Variants in CBFA2T2 observed in about 807,000 individuals in gnomAD.
The protein encoded by CBFA2T2 is CBFA2/RUNX1 partner transcriptional co-repressor 2, also known as protein CBFA2T2.
A neutral mutation model predicts 62.2 loss-of-function variants in CBFA2T2; 11 were observed. The ratio of observed to expected loss-of-function variants is 0.18; its 90% confidence interval spans 0.11 to 0.29. The LOEUF (loss-of-function observed/expected upper bound fraction) is 0.29. Ranked by LOEUF, CBFA2T2 falls within the 10% of genes least tolerant of loss-of-function variation. CBFA2T2 has a pLI of 1.00. For missense variants in CBFA2T2, 592 were observed against 774.1 expected (o/e 0.76, Z 2.79); for synonymous variants, 295 against 287.5 (o/e 1.03, Z -0.27).
intron 1 of CBFA2T2, among the ~76,000 whole-genome samples, chr20:33,561,930 A>G (rs1417276568): frequency 6.6e-6 from 1 of 152,174 alleles, no homozygotes; most frequent in African/African-American, 2.4e-5. Flanking sequence ...ATATTCCCCA[A>G]ATTAATTTGC....
In CBFA2T2 at chr20:33,611,133, G is replaced by T; in HGVS notation, c.218G>T (p.Gly73Val). 1 of 1,614,016 alleles carries T rather than the reference G, an allele frequency of 6.2e-7. No homozygotes were observed. The highest frequency in any genetic ancestry group is 2.2e-5 in the East Asian group (1 of 44,872). ...GINHSPPTLN[G>V]APSPPQRFSN... is the part of the protein sequence containing the mutation. ...AACCATTCTCCTCCTACCCTGAATG[G>T]TGCCCCATCACCGCCACAGAGATTC... Residue 73 changes from glycine (G) to valine (V), a missense_variant, in exon 3 of 11, where the codon GGT becomes GTT. Around this residue, in one of 3 missense-constraint regions of CBFA2T2, gnomAD observed 449 missense variants for 551.2 expected, o/e 0.81. Coordinates refer to ENST00000342704, the MANE Select transcript of CBFA2T2 (RefSeq NM_001032999.3).
intron 5 of CBFA2T2, among the ~76,000 whole-genome samples, chr20:33,624,236 TAA>T (rs373462820): frequency 3.6e-4 from 25 of 70,008 alleles, no homozygotes; most frequent in African/African-American, 6.5e-4. Flanking sequence ...TTTTTAAAAG[TAA>T]AAAAAAAAAA....
intron 1 of CBFA2T2, among the ~76,000 whole-genome samples, chr20:33,544,135 C>G (rs964966694): frequency 1.3e-5 from 2 of 152,152 alleles, no homozygotes; most frequent in Non-Finnish European, 2.9e-5. Flanking sequence ...CTGTTAATGA[C>G]TCCCATTTTA....
In CBFA2T2 at chr20:33,534,751, C is replaced by CTTTTTTTTTTT. The variant is rs11167206; in HGVS notation, c.34+44461_34+44471dup. Among the ~76,000 whole-genome samples, 11 of 92,954 alleles carry CTTTTTTTTTTT rather than the reference C, an allele frequency of 1.2e-4. 1 individual carries two copies. The highest frequency in any genetic ancestry group is 3.8e-4 in the East Asian group (1 of 2,648). The allele number at this position is 92,954 out of a possible 152,430, so 61.0% of individuals were successfully genotyped here. On this transcript the variant is annotated intron_variant, in intron 1 of 10. Transcript: ENST00000342704. ...AAAAAGATTTTTTGTATCTTTTTAG[C>CTTTTTTTTTTT]TTTTTTTTTTTTTTTTTTTTTGAGC...
chr20:33,558,820 G>C (rs187110239), intron 1 of CBFA2T2, among the ~76,000 whole-genome samples: 2 of 148,984 alleles, frequency 1.3e-5, no homozygotes, highest in Admixed American at 1.4e-4. Context: ...TTCGCCAACT[G>C]TTTGGGGGGG....
intron 9 of CBFA2T2, among the ~76,000 whole-genome samples, chr20:33,637,496 A>G (rs763468064): frequency 5.9e-5 from 9 of 152,204 alleles, no homozygotes; most frequent in Non-Finnish European, 1.2e-4. Context: ...TTTCCTTACT[A>G]GTAGTCAGGA....
intron 1 of CBFA2T2, among the ~76,000 whole-genome samples, chr20:33,547,640 C>T (rs2012614188): frequency 6.6e-6 from 1 of 151,332 alleles, no homozygotes; most frequent in Non-Finnish European, 1.5e-5. Context: ...ATGATTGCAC[C>T]CCTGCACTCC....
In CBFA2T2 at chr20:33,640,525, C is replaced by T. The variant is rs755759215; in HGVS notation, c.1482C>T (p.Ser494=). ...TCGTCATCAATGAGCAAGAGGAGTCCACGGAGGTCAGAGCTCTGCGCCCTG... is the reference window on the plus strand; with the variant it reads ...TCGTCATCAATGAGCAAGAGGAGTCTACGGAGGTCAGAGCTCTGCGCCCTG... ...AFLVINEQEE[S]TENCWNCGRK... Residue 494 remains serine (S), a synonymous_variant, in exon 10 of 11, where the codon TCC becomes TCT. Transcript: ENST00000342704. 1.9e-6 allele frequency: 3 copies of T among 1,614,050 alleles called. No homozygotes were observed. The highest frequency in any genetic ancestry group is 2.5e-6 in the Non-Finnish European group (3 of 1,179,992).
chr20:33,544,008 T>C (rs1369943718), intron 1 of CBFA2T2, among the ~76,000 whole-genome samples: 1 of 152,154 alleles, frequency 6.6e-6, no homozygotes, highest in Non-Finnish European at 1.5e-5. Flanking sequence ...GCCTGGATTA[T>C]TGGAGTTGCT....
intron 1 of CBFA2T2, among the ~76,000 whole-genome samples, chr20:33,541,606 G>T (rs939436683): frequency 6.6e-6 from 1 of 152,168 alleles, no homozygotes; most frequent in Non-Finnish European, 1.5e-5. Context: ...CTAGGCTGAT[G>T]CCTTTCCACA....
At chr20:33,535,063 AAT>A (rs1246836013) in intron 1 of CBFA2T2, among the ~76,000 whole-genome samples, 1 of 152,220 alleles carries the variant, frequency 6.6e-6, no homozygotes, top group Non-Finnish European at 1.5e-5. Flanking sequence ...TGTGAAGTAC[AAT>A]AAAGTGAAAC....
chr20:33,493,127 G>A (rs940036511), intron 1 of CBFA2T2, among the ~76,000 whole-genome samples: 7 of 144,944 alleles, frequency 4.8e-5, no homozygotes, highest in Admixed American at 1.4e-4. Flanking sequence ...TCAGGCTGGC[G>A]TGCAATGGCA....
intron 1 of CBFA2T2, chr20:33,573,987 C>T: frequency 1.8e-6 from 1 of 560,636 alleles, no homozygotes; most frequent in Non-Finnish European, 2.7e-6. Context: ...TGGGGTTTTG[C>T]CATGTTGCCC....
intron 1 of CBFA2T2, among the ~76,000 whole-genome samples, chr20:33,585,901 G>A (rs2014346368): frequency 6.6e-6 from 1 of 152,132 alleles, no homozygotes; most frequent in Admixed American, 6.5e-5. Flanking sequence ...GAGGAAATGT[G>A]GGGAAATTTA....
intron 1 of CBFA2T2, among the ~76,000 whole-genome samples, chr20:33,579,394 G>C (rs898179441): frequency 6.6e-6 from 1 of 151,878 alleles, no homozygotes; most frequent in Non-Finnish European, 1.5e-5. Context: ...GGTGTCTTTT[G>C]ATGGGCAGAA....
chr20:33,572,416 A>C (rs1199204440), intron 1 of CBFA2T2, among the ~76,000 whole-genome samples: 1 of 152,248 alleles, frequency 6.6e-6, no homozygotes, highest in Non-Finnish European at 1.5e-5. Context: ...AAATGATATT[A>C]ACAGAATTAT....
At chr20:33,497,533 T>A (rs1023708999) in intron 1 of CBFA2T2, among the ~76,000 whole-genome samples, 13 of 150,840 alleles carry the variant, frequency 8.6e-5, no homozygotes, top group African/African-American at 3.2e-4. Context: ...ATGACTGTGT[T>A]TGAAGCTTGT....
intron 1 of CBFA2T2, among the ~76,000 whole-genome samples, chr20:33,509,555 C>T (rs1600910184): frequency 1.3e-5 from 2 of 149,372 alleles, no homozygotes; most frequent in Admixed American, 6.6e-5. Context: ...TGGCTGGGCA[C>T]GGTGGCTCAC....
At chr20:33,624,630 G>A (rs1330428977) in intron 5 of CBFA2T2, 134 bp from the exon 6 acceptor site, 1 of 945,656 alleles carries the variant, frequency 1.1e-6, no homozygotes, top group Non-Finnish European at 1.6e-6. Flanking sequence ...CATGCCTCAT[G>A]TCACACCTTT....
Sources: gnomAD v4.1 joint callset for allele counts (sites outside exome capture counted in the v4.1 genomes callset) on GRCh38, gnomAD v4.1.1 for gene constraint, gnomAD v4.1.1 regional missense constraint, MANE v1.5 for transcripts, NCBI Gene and HGNC (gene_info 2026-07-23, HGNC 2026-07-21) for gene names.